OLAH: variants seen among roughly 807,000 people sequenced by gnomAD.
OLAH encodes the protein S-acyl fatty acid synthase thioesterase, medium chain.
In OLAH, 33 loss-of-function variants were observed where a neutral mutation model predicts 27.8. The observed-to-expected ratio is 1.19, with a 90% CI of 0.90 to 1.59. OLAH has a LOEUF of 1.59. OLAH is among the 40% of genes most tolerant of loss of function. The pLI, the probability that OLAH is intolerant of heterozygous loss-of-function variation, is 0.00. For synonymous variants in OLAH, 120 were observed against 102.9 expected (o/e 1.17, Z -1.01); for missense variants, 359 against 310.8 (o/e 1.16, Z -1.17).
chr10:15,057,302 G>A (rs1009872412), intron 3 of OLAH, among the ~76,000 whole-genome samples: 1 of 151,834 alleles, frequency 6.6e-6, no homozygotes, highest in Admixed American at 6.6e-5. Flanking sequence ...GCTTAGCAAC[G>A]CTTACTGAGA....
intron 1 of OLAH, among the ~76,000 whole-genome samples, chr10:15,036,684 C>G (rs979608995): frequency 3.3e-5 from 5 of 152,016 alleles, no homozygotes; most frequent in Non-Finnish European, 7.4e-5. Context: ...ATTGGGGGGC[C>G]TTGCTATGTT....
At chr10:15,054,762 T>A (rs927022811) in intron 3 of OLAH, among the ~76,000 whole-genome samples, 1 of 151,208 alleles carries the variant, frequency 6.6e-6, no homozygotes, top group African/African-American at 2.5e-5. Context: ...CAACTTTTAG[T>A]CATTTTTGAA....
upstream of OLAH, among the ~76,000 whole-genome samples, chr10:15,042,082 T>A (rs1253616444): frequency 1.3e-5 from 2 of 151,990 alleles, no homozygotes; most frequent in African/African-American, 4.8e-5. Flanking sequence ...GTAATTGAGT[T>A]TGAGGAGAGT....
chr10:15,071,935 A>ATT, intron 7 of OLAH, 58 bp downstream of exon 7: 32 of 1,142,322 alleles, frequency 2.8e-5, no homozygotes, highest in South Asian at 5.9e-5. Flanking sequence ...TGGCTTTAAA[A>ATT]TTTTTTTTTT....
intron 3 of OLAH, among the ~76,000 whole-genome samples, chr10:15,054,660 A>AT (rs775773487): frequency 6.6e-5 from 10 of 151,914 alleles, no homozygotes; most frequent in Admixed American, 5.9e-4. Context: ...TTGTTTTGTA[A>AT]TGTTTTCTCT....
chr10:15,037,548 G>A (rs937617300), intron 1 of OLAH, among the ~76,000 whole-genome samples: 7 of 150,942 alleles, frequency 4.6e-5, no homozygotes, highest in African/African-American at 9.8e-5. Flanking sequence ...ACCACTGCAC[G>A]CCAGGCTGGG....
At chr10:15,041,574 AG>A (rs545884349), upstream of OLAH, among the ~76,000 whole-genome samples, 288 of 130,718 alleles carry the variant, frequency 2.2e-3, 1 homozygote, top group African/African-American at 8.2e-3. Flanking sequence ...CACCATACCC[AG>A]CCATTTTTTT....
intron 6 of OLAH, among the ~76,000 whole-genome samples, chr10:15,066,739 C>T (rs1844476741): frequency 1.3e-5 from 2 of 152,134 alleles, no homozygotes; most frequent in South Asian, 4.1e-4. Context: ...CTTCCAGGTT[C>T]AAGCGATTCT....
intron 6 of OLAH, among the ~76,000 whole-genome samples, chr10:15,066,558 G>A (rs778157055): frequency 4.6e-5 from 7 of 151,714 alleles, no homozygotes; most frequent in Non-Finnish European, 1.0e-4. Flanking sequence ...TAGAACTGAA[G>A]TCCTGATACT....
chr10:15,042,247 G>C (rs796733720), upstream of OLAH, among the ~76,000 whole-genome samples: 1 of 151,938 alleles, frequency 6.6e-6, no homozygotes, highest in African/African-American at 2.4e-5. Context: ...CACCTCCCCG[G>C]TTCAAGCGAT....
At chr10:15,033,642 A>G (rs1054013851) in intron 1 of OLAH, among the ~76,000 whole-genome samples, 5 of 152,184 alleles carry the variant, frequency 3.3e-5, no homozygotes, top group Admixed American at 6.5e-5. Context: ...AAGGCTGGGA[A>G]GTCCAGTATG....
rs1370054720 is a variant in OLAH at position 15,071,652 on chromosome 10, C to T, written c.573-143C>T. ...GGCAGGCTTTGACAGGTAGAAGTGC[C>T]ATTGGTGAAAAATGTTTTACACTGC... On this transcript the variant is annotated intron_variant, in intron 6 of 7. Coordinates refer to ENST00000378228, the MANE Select transcript of OLAH (RefSeq NM_001039702.3). 4 of 1,412,566 alleles carry T rather than the reference C, an allele frequency of 2.8e-6. No homozygotes were observed. The East Asian group carries it at 1.0e-4, about 36-fold the overall frequency. 87.5% of individuals were successfully genotyped at this position (1,412,566 alleles called of 1,614,324 possible). A position where few individuals can be genotyped will look rare whatever the true frequency, so the allele number is the denominator to read the frequency against.
At chr10:15,043,327 T>C (rs553502059), upstream of OLAH, among the ~76,000 whole-genome samples, 10 of 152,272 alleles carry the variant, frequency 6.6e-5, no homozygotes, top group East Asian at 1.9e-3. Context: ...GCTTGGTCCT[T>C]AGTGTTATGT....
intron 3 of OLAH, chr10:15,057,025 TTTC>T: frequency 1.5e-6 from 2 of 1,361,282 alleles, no homozygotes; most frequent in Non-Finnish European, 9.5e-7. Flanking sequence ...TTGTGCCACC[TTTC>T]TTTTTAATGT....
chr10:15,069,386 G>A (rs1331746256), intron 6 of OLAH, among the ~76,000 whole-genome samples: 2 of 152,170 alleles, frequency 1.3e-5, no homozygotes, highest in African/African-American at 2.4e-5. Flanking sequence ...CCCTGGTGGC[G>A]AGAGGGTTTC....
At chr10:15,070,364 G>A (rs1844559657) in intron 6 of OLAH, among the ~76,000 whole-genome samples, 1 of 152,096 alleles carries the variant, frequency 6.6e-6, no homozygotes, top group African/African-American at 2.4e-5. Context: ...TCTTTTTGGT[G>A]ACTTCCTTTC....
intron 2 of OLAH, 108 bp downstream of exon 2, chr10:15,047,428 C>A: frequency 9.1e-7 from 1 of 1,102,446 alleles, no homozygotes. Context: ...CAGCCAGGTG[C>A]TCACACTTGT....
intron 1 of OLAH, among the ~76,000 whole-genome samples, chr10:15,046,819 T>C (rs969547412): frequency 2.6e-5 from 4 of 152,286 alleles, no homozygotes. Flanking sequence ...CCCTCACCCT[T>C]ACCCTAATTT....
intron 6 of OLAH, among the ~76,000 whole-genome samples, chr10:15,071,313 C>A (rs181390505): frequency 6.6e-6 from 1 of 152,174 alleles, no homozygotes; most frequent in Non-Finnish European, 1.5e-5. Flanking sequence ...GTCTCTCTCC[C>A]AGCCAGTCTC....
Sources: gnomAD v4.1 joint callset for allele counts (sites outside exome capture counted in the v4.1 genomes callset) on GRCh38, gnomAD v4.1.1 for gene constraint, MANE v1.5 for transcripts, NCBI Gene and HGNC (gene_info 2026-07-23, HGNC 2026-07-21) for gene names.